BMPR1B: variants seen among roughly 807,000 people sequenced by gnomAD.
BMPR1B encodes the protein bone morphogenetic protein receptor type-1B.
A neutral mutation model predicts 59.1 loss-of-function variants in BMPR1B; 12 were observed. That is an observed-to-expected ratio of 0.20 (90% confidence interval 0.13 to 0.33). The LOEUF (loss-of-function observed/expected upper bound fraction) is 0.33. BMPR1B is among the 10% of genes least tolerant of loss of function. The pLI, the probability that BMPR1B is intolerant of heterozygous loss-of-function variation, is 1.00. For synonymous variants in BMPR1B, 237 were observed against 207.3 expected (o/e 1.14, Z -1.23); for missense variants, 550 against 610.9 (o/e 0.90, Z 1.05).
chr4:95,157,127 A>T lies in BMPR1B; in HGVS notation c.*2454A>T, dbSNP rs1196018166. 2.0e-5 allele frequency: 3 copies of T among 152,164 alleles called. No individual in the cohort carries two copies. The highest frequency in any genetic ancestry group is 7.2e-5 in the African/African-American group (3 of 41,450). The allele number at this position is 152,164 out of a possible 1,614,324, so 9.4% of individuals were successfully genotyped here. A position where few individuals can be genotyped will look rare whatever the true frequency, so the allele number is the denominator to read the frequency against. ...TCCAATGAAGGATGGGAAGAAATTAAAATAGTCTTCAAACTTCTTCCTTAT... is the reference window on the plus strand; with the variant it reads ...TCCAATGAAGGATGGGAAGAAATTATAATAGTCTTCAAACTTCTTCCTTAT... On this transcript the variant is annotated 3_prime_UTR_variant, in exon 13 of 13. Transcript: ENST00000515059.
chr4:95,030,699 A>T (rs1379589033), intron 3 of BMPR1B, among the ~76,000 whole-genome samples: 1 of 152,150 alleles, frequency 6.6e-6, no homozygotes, highest in African/African-American at 2.4e-5. Context: ...AATGTACAAA[A>T]ATCACAAGCA....
At chr4:95,136,043 A>G (rs900066972) in intron 10 of BMPR1B, among the ~76,000 whole-genome samples, 1 of 152,088 alleles carries the variant, frequency 6.6e-6, no homozygotes, top group Non-Finnish European at 1.5e-5. Context: ...TCCCATCAAT[A>G]ACTAGTTTTT....
chr4:94,998,455 C>T (rs1041274312), intron 3 of BMPR1B, among the ~76,000 whole-genome samples: 1 of 151,464 alleles, frequency 6.6e-6, no homozygotes, highest in Admixed American at 6.6e-5. Flanking sequence ...CTCACTGCAA[C>T]CTCCGTCTCC....
chr4:94,765,011 A>G (rs775827883), intron 1 of BMPR1B, among the ~76,000 whole-genome samples: 9 of 152,296 alleles, frequency 5.9e-5, no homozygotes, highest in Non-Finnish European at 1.0e-4. Context: ...CGGGGGGACT[A>G]TCATTTACTG....
At position 94,790,720 on chromosome 4, in the gene BMPR1B, T is replaced by C. The variant is rs552614850; in HGVS notation, c.-183+32652T>C. On this transcript the variant is annotated intron_variant, in intron 1 of 12. Coordinates refer to ENST00000515059, the MANE Select transcript of BMPR1B (RefSeq NM_001203.3). The stretch of plus-strand genomic sequence containing the variant: ...AGAATTTCTCTTTTATCTTGGTAAC[T>C]TAAAAGAAAAACTTTATTTTTTAGA... Among the ~76,000 whole-genome samples the C allele has an allele frequency of 1.6e-3, 246 of 152,354 alleles. 1 individual carries two copies. Among genetic ancestry groups the C allele is most frequent in the African/African-American group, 5.6e-3 (231 of 41,584 alleles).
At chr4:95,099,680 T>C (rs1009234809) in intron 3 of BMPR1B, among the ~76,000 whole-genome samples, 19 of 152,216 alleles carry the variant, frequency 1.2e-4, no homozygotes, top group Non-Finnish European at 4.4e-5. Flanking sequence ...TATTATTTTT[T>C]AACAAACATC....
At chr4:95,137,367 G>C (rs1342892153) in intron 10 of BMPR1B, among the ~76,000 whole-genome samples, 1 of 152,216 alleles carries the variant, frequency 6.6e-6, no homozygotes, top group Non-Finnish European at 1.5e-5. Flanking sequence ...ATGTGGTGCT[G>C]AGAAGAATGT....
At chr4:94,841,624 C>A (rs959575649) in intron 1 of BMPR1B, among the ~76,000 whole-genome samples, 2 of 152,186 alleles carry the variant, frequency 1.3e-5, no homozygotes, top group African/African-American at 4.8e-5. Flanking sequence ...CTTCGGCTCG[C>A]ACACGGTGCG....
At chr4:95,031,293 G>A (rs1469624269) in intron 3 of BMPR1B, among the ~76,000 whole-genome samples, 1 of 152,112 alleles carries the variant, frequency 6.6e-6, no homozygotes, top group Admixed American at 6.6e-5. Context: ...TGAGAGCTGA[G>A]AGAGAATATG....
intron 3 of BMPR1B, among the ~76,000 whole-genome samples, chr4:95,076,095 G>A (rs1036162860): frequency 6.6e-6 from 1 of 152,156 alleles, no homozygotes; most frequent in Non-Finnish European, 1.5e-5. Context: ...GAAGTGTTCA[G>A]TGAATAGGCT....
At position 95,119,593 on chromosome 4, in the gene BMPR1B, A is replaced by G. The variant is rs1056102225; in HGVS notation, c.349+3806A>G. 2.0e-5 allele frequency among the ~76,000 whole-genome samples: 3 copies of G among 152,292 alleles called. No individual in the cohort carries two copies. In the South Asian group the frequency reaches 6.2e-4, roughly 32 times the overall value. On this transcript the variant is annotated intron_variant, in intron 6 of 12. Coordinates refer to ENST00000515059, the MANE Select transcript of BMPR1B (RefSeq NM_001203.3). ...AATGGCTCCTGTTGAGCCCTGAATGACTTTTTACAAGTGCTATAATATGTC... is the reference window on the plus strand; with the variant it reads ...AATGGCTCCTGTTGAGCCCTGAATGGCTTTTTACAAGTGCTATAATATGTC...
intron 2 of BMPR1B, among the ~76,000 whole-genome samples, chr4:94,981,005 A>ACGCGCGCGTACGCGCGCG (rs34635740): frequency 0.013 from 1,608 of 122,724 alleles, 29 homozygotes; most frequent in African/African-American, 0.048. Context: ...ACACACACAC[A>ACGCGCGCGTACGCGCGCG]CACACACACA....
intron 2 of BMPR1B, among the ~76,000 whole-genome samples, chr4:94,925,931 G>C (rs988623604): frequency 6.6e-6 from 1 of 151,944 alleles, no homozygotes; most frequent in Non-Finnish European, 1.5e-5. Flanking sequence ...ACGCAGCAAA[G>C]ATTACCTGCA....
intron 10 of BMPR1B, among the ~76,000 whole-genome samples, chr4:95,147,677 C>A (rs2149324307): frequency 6.6e-6 from 1 of 152,148 alleles, no homozygotes; most frequent in South Asian, 2.1e-4. Flanking sequence ...TTATAGTATA[C>A]CTTATTTGGT....
At chr4:94,789,864 G>A (rs1053173607) in intron 1 of BMPR1B, among the ~76,000 whole-genome samples, 1 of 151,984 alleles carries the variant, frequency 6.6e-6, no homozygotes, top group Non-Finnish European at 1.5e-5. Flanking sequence ...TCACTGATAG[G>A]TGGATTTTCT....
At chr4:95,135,673 T>C (rs1409938143) in intron 10 of BMPR1B, among the ~76,000 whole-genome samples, 3 of 152,232 alleles carry the variant, frequency 2.0e-5, no homozygotes, top group Non-Finnish European at 4.4e-5. Context: ...TGTCTGTTAT[T>C]TGTGTATAAG....
chr4:95,141,428 A>G (rs1734222851), intron 10 of BMPR1B, among the ~76,000 whole-genome samples: 2 of 152,182 alleles, frequency 1.3e-5, no homozygotes, highest in South Asian at 4.1e-4. Context: ...CTTTTCAGTC[A>G]TTTCTGAAAG....
intron 3 of BMPR1B, among the ~76,000 whole-genome samples, chr4:94,999,818 GA>G (rs946346663): frequency 1.3e-5 from 2 of 152,060 alleles, no homozygotes; most frequent in African/African-American, 4.8e-5. Flanking sequence ...GGGTTTTAAG[GA>G]AATAATAGAA....
At chr4:94,941,272 A>T (rs1383322986) in intron 2 of BMPR1B, among the ~76,000 whole-genome samples, 1 of 143,282 alleles carries the variant, frequency 7.0e-6, no homozygotes, top group African/African-American at 2.5e-5. Flanking sequence ...TCTACTAAAA[A>T]TACAAAAAAA....
Sources: allele counts gnomAD v4.1 joint callset (sites outside exome capture counted in the v4.1 genomes callset), GRCh38; gene constraint gnomAD v4.1.1; transcripts MANE v1.5; gene names NCBI Gene and HGNC (gene_info 2026-07-23, HGNC 2026-07-21).